SHISA9: variants seen among roughly 807,000 people sequenced by gnomAD.
SHISA9 encodes the protein protein shisa-9.
Under a neutral mutation model 38.0 loss-of-function variants are expected in SHISA9, and 13 were observed. That is an observed-to-expected ratio of 0.34 (90% CI 0.22 to 0.54). The LOEUF (loss-of-function observed/expected upper bound fraction) is 0.54. Among genes scored for constraint, SHISA9 ranks in the 20% least tolerant of loss-of-function variants. SHISA9 has a pLI of 0.91. For missense variants in SHISA9, 538 were observed against 575.8 expected, an observed-to-expected ratio of 0.93 and a Z score of 0.67; for synonymous variants, 275 against 242.0, an observed-to-expected ratio of 1.14 and a Z score of -1.27.
At chr16:12,973,189 C>T (rs2072108236) in intron 2 of SHISA9, among the ~76,000 whole-genome samples, 1 of 152,196 alleles carries the variant, frequency 6.6e-6, no homozygotes. Context: ...CATGAAGGAT[C>T]CTATTCACTT....
intron 2 of SHISA9, among the ~76,000 whole-genome samples, chr16:13,025,188 G>C (rs1180611939): frequency 1.3e-5 from 2 of 151,992 alleles, no homozygotes; most frequent in African/African-American, 4.8e-5. Context: ...ATTATACAGG[G>C]ATACATTTGT....
the SHISA9 span, among the ~76,000 whole-genome samples, chr16:13,464,794 T>C: frequency 1.3e-5 from 2 of 152,114 alleles, no homozygotes; most frequent in South Asian, 4.1e-4. Flanking sequence ...CCTCATAAAA[T>C]TCCCGAGATA....
the SHISA9 span, among the ~76,000 whole-genome samples, chr16:13,406,840 G>T: frequency 6.6e-6 from 1 of 151,964 alleles, no homozygotes; most frequent in Non-Finnish European, 1.5e-5. Flanking sequence ...AGGCTGAGGC[G>T]GGCAGATCAT....
intron 2 of SHISA9, among the ~76,000 whole-genome samples, chr16:12,983,733 C>G (rs2072271146): frequency 6.6e-6 from 1 of 152,222 alleles, no homozygotes. Flanking sequence ...TGTGATCCAC[C>G]TGCCTCAGCC....
chr16:13,010,747 T>G (rs2072662428), intron 2 of SHISA9, among the ~76,000 whole-genome samples: 1 of 151,858 alleles, frequency 6.6e-6, no homozygotes, highest in Admixed American at 6.6e-5. Flanking sequence ...AAGTCAGGAG[T>G]TCGAGACCGG....
chr16:13,534,609 A>G, the SHISA9 span, among the ~76,000 whole-genome samples: 1 of 152,192 alleles, frequency 6.6e-6, no homozygotes, highest in Non-Finnish European at 1.5e-5. Flanking sequence ...TTTTACAAGA[A>G]TTGTCAGCAA....
intron 2 of SHISA9, among the ~76,000 whole-genome samples, chr16:13,054,010 TTC>T (rs936128747): frequency 2.6e-5 from 4 of 152,190 alleles, no homozygotes; most frequent in Middle Eastern, 3.2e-3. Flanking sequence ...GCTTCATCTC[TTC>T]TCTCTCTTTC....
At chr16:12,970,815 C>T (rs554558393) in intron 2 of SHISA9, among the ~76,000 whole-genome samples, 12 of 151,984 alleles carry the variant, frequency 7.9e-5, no homozygotes, top group Admixed American at 2.0e-4. Flanking sequence ...TGAGCCACCG[C>T]GCCTGGCCGG....
rs143325625 is a variant in SHISA9 at position 12,906,653 on chromosome 16, G to C, written c.563+4026G>C. Among the ~76,000 whole-genome samples, 7 of 152,156 alleles carry C rather than the reference G, an allele frequency of 4.6e-5. No individual in the cohort carries two copies. The East Asian group carries it at 1.4e-3, about 29-fold the overall frequency. On this transcript the variant is annotated intron_variant, in intron 1 of 4. Transcript: ENST00000558583. ...TCTACTTAGGTGTTTTTATTTTTAA[G>C]TTTTCCTCAATTTTGTGTTGTGAGA...
At chr16:13,207,621 A>G (rs1484181941) in intron 3 of SHISA9, among the ~76,000 whole-genome samples, 1 of 152,102 alleles carries the variant, frequency 6.6e-6, no homozygotes, top group Non-Finnish European at 1.5e-5. Flanking sequence ...CCACTGTGAG[A>G]GTTCTCAGGG....
At chr16:13,023,310 G>A (rs1346314454) in intron 2 of SHISA9, among the ~76,000 whole-genome samples, 1 of 152,128 alleles carries the variant, frequency 6.6e-6, no homozygotes, top group African/African-American at 2.4e-5. Context: ...GAGAATCATG[G>A]TTTCCAGCTT....
intron 4 of SHISA9, among the ~76,000 whole-genome samples, chr16:13,233,789 T>C (rs1448094115): frequency 1.3e-5 from 2 of 152,114 alleles, no homozygotes; most frequent in Non-Finnish European, 2.9e-5. Context: ...GGTGGGAGGA[T>C]TGCTTGAGCC....
chr16:13,491,277 G>T, the SHISA9 span, among the ~76,000 whole-genome samples: 1 of 152,114 alleles, frequency 6.6e-6, no homozygotes, highest in Non-Finnish European at 1.5e-5. Context: ...ATGGTAACGA[G>T]GATGACGGTG....
intron 2 of SHISA9, among the ~76,000 whole-genome samples, chr16:13,113,126 C>T (rs944986605): frequency 6.9e-6 from 1 of 145,926 alleles, no homozygotes; most frequent in Admixed American, 7.2e-5. Flanking sequence ...ACGAGAATCG[C>T]TTCAACCCAG....
intron 2 of SHISA9, among the ~76,000 whole-genome samples, chr16:12,986,149 A>G (rs1446779000): frequency 1.3e-5 from 2 of 152,188 alleles, no homozygotes; most frequent in Admixed American, 1.3e-4. Flanking sequence ...CTCATATACA[A>G]ACCCTCTTTA....
intron 2 of SHISA9, among the ~76,000 whole-genome samples, chr16:13,026,603 G>A (rs1277036747): frequency 1.3e-5 from 2 of 152,146 alleles, no homozygotes; most frequent in African/African-American, 4.8e-5. Flanking sequence ...TGGGATTGCT[G>A]CATCGTATGG....
At chr16:13,224,760 A>G (rs978382267) in intron 4 of SHISA9, among the ~76,000 whole-genome samples, 3 of 152,162 alleles carry the variant, frequency 2.0e-5, no homozygotes, top group Non-Finnish European at 4.4e-5. Context: ...CCATTGGTGG[A>G]GGTGTCTTCT....
chr16:12,969,840 A>T (rs1379047836), intron 2 of SHISA9, among the ~76,000 whole-genome samples: 1 of 152,236 alleles, frequency 6.6e-6, no homozygotes, highest in Non-Finnish European at 1.5e-5. Flanking sequence ...TGTATTCATT[A>T]AATCAGCACG....
chr16:13,130,265 G>A (rs575730333), intron 2 of SHISA9, among the ~76,000 whole-genome samples: 2 of 152,214 alleles, frequency 1.3e-5, no homozygotes, highest in African/African-American at 2.4e-5. Flanking sequence ...TAAGATTTAA[G>A]TATAATTCTC....
Sources: allele counts gnomAD v4.1 joint callset (sites outside exome capture counted in the v4.1 genomes callset), GRCh38; gene constraint gnomAD v4.1.1; transcripts MANE v1.5; gene names NCBI Gene and HGNC (gene_info 2026-07-23, HGNC 2026-07-21).